NOTCH2: variants seen among roughly 807,000 people sequenced by gnomAD.
NOTCH2 encodes neurogenic locus notch homolog protein 2.
Under a neutral mutation model 235.8 loss-of-function variants are expected in NOTCH2, and 29 were observed. The observed-to-expected ratio is 0.12, with a 90% confidence interval of 0.09 to 0.17. The LOEUF (loss-of-function observed/expected upper bound fraction) is 0.17. NOTCH2 is among the 10% of genes least tolerant of loss of function. NOTCH2 has a pLI of 1.00. For missense variants in NOTCH2, 2,285 were observed against 3,150.2 expected, an observed-to-expected ratio of 0.73 and a Z score of 6.57; for synonymous variants, 1,086 against 1,141.5, an observed-to-expected ratio of 0.95 and a Z score of 0.98.
intron 14 of NOTCH2, among the ~76,000 whole-genome samples, chr1:119,952,913 A>T (rs1041440708): frequency 7.9e-5 from 12 of 152,232 alleles, no homozygotes; most frequent in Non-Finnish European, 1.6e-4. Flanking sequence ...TTCTACTTCC[A>T]TATATCTATT....
chr1:119,978,335 T>A (rs1651672432), intron 5 of NOTCH2, among the ~76,000 whole-genome samples: 1 of 152,244 alleles, frequency 6.6e-6, no homozygotes, highest in South Asian at 2.1e-4. Flanking sequence ...TGCACAGCCT[T>A]GGGACTAAAT....
intron 2 of NOTCH2, among the ~76,000 whole-genome samples, chr1:120,010,401 T>C (rs1199500861): frequency 6.6e-6 from 1 of 152,150 alleles, no homozygotes; most frequent in African/African-American, 2.4e-5. Context: ...TACAAGCATG[T>C]AGCATGGTGC....
chr1:119,930,967 G>C (rs1649632108), intron 22 of NOTCH2, among the ~76,000 whole-genome samples: 1 of 151,344 alleles, frequency 6.6e-6, no homozygotes, highest in Non-Finnish European at 1.5e-5. Flanking sequence ...GCCAGGCATG[G>C]TGGCGGGCGC....
chr1:119,941,064 AAGTCAAT>A (rs1424707075), intron 18 of NOTCH2, among the ~76,000 whole-genome samples: 1 of 152,190 alleles, frequency 6.6e-6, no homozygotes, highest in African/African-American at 2.4e-5. Context: ...TTTTATCTCT[AAGTCAAT>A]TTAATTTATT....
intron 31 of NOTCH2, among the ~76,000 whole-genome samples, chr1:119,919,013 C>G (rs1441163151): frequency 1.3e-5 from 2 of 152,190 alleles, no homozygotes; most frequent in Admixed American, 1.3e-4. Context: ...TCCGGACCAG[C>G]TATCACTCTC....
chr1:119,983,016 G>C (rs974940803), intron 5 of NOTCH2, among the ~76,000 whole-genome samples: 3 of 152,152 alleles, frequency 2.0e-5, no homozygotes, highest in Non-Finnish European at 2.9e-5. Context: ...GAAATATAAT[G>C]AGAGTAACAG....
rs782264867 is a variant in NOTCH2, at chr1:119,969,518, C to T, written c.1101G>A (p.Gly367=). ...VASFSCMCPE[G]KAGLLCHLDD... ...CGTCCTTCTGCTACCTACCTGCCTT[C>T]CCCTCTGGGCACATGCAAGAGAAGG... The change falls in exon 6 of 34, where the codon GGG becomes GGA. Residue 367 remains glycine, a synonymous_variant. Transcript: ENST00000256646. 1 of 1,613,760 alleles carries T rather than the reference C, an allele frequency of 6.2e-7. No homozygotes were observed. The highest frequency in any genetic ancestry group is 2.2e-5 in the East Asian group (1 of 44,786).
At chr1:119,968,940 C>A (rs782563366) in intron 6 of NOTCH2, among the ~76,000 whole-genome samples, 10 of 152,280 alleles carry the variant, frequency 6.6e-5, no homozygotes, top group Non-Finnish European at 1.5e-4. Flanking sequence ...AGAAAGTTCT[C>A]CCAGCTAAAT....
At chr1:119,953,882 G>C (rs1018461844) in intron 13 of NOTCH2, among the ~76,000 whole-genome samples, 194 bp from the exon 14 acceptor site, 2 of 151,908 alleles carry the variant, frequency 1.3e-5, no homozygotes, top group African/African-American at 4.8e-5. Flanking sequence ...AAACCTTCTT[G>C]GTGCTTTCCT....
chr1:120,063,014 G>T (rs587739911), intron 1 of NOTCH2, among the ~76,000 whole-genome samples: 4 of 151,356 alleles, frequency 2.6e-5, no homozygotes, highest in African/African-American at 9.7e-5. Flanking sequence ...ACAGATCTAC[G>T]GCAAACCTCC....
intron 17 of NOTCH2, among the ~76,000 whole-genome samples, chr1:119,945,861 A>G (rs1267456193): frequency 1.3e-5 from 2 of 152,100 alleles, no homozygotes; most frequent in African/African-American, 4.8e-5. Context: ...TAGAGGACAT[A>G]AAAGACCTGA....
intron 1 of NOTCH2, among the ~76,000 whole-genome samples, chr1:120,047,366 G>A: frequency 2.0e-5 from 1 of 50,036 alleles, no homozygotes; most frequent in Admixed American, 2.1e-4. Flanking sequence ...GAAGAATAAA[G>A]CAATGGACCA....
intron 23 of NOTCH2, among the ~76,000 whole-genome samples, chr1:119,928,151 C>G (rs587756283): frequency 6.6e-6 from 1 of 152,198 alleles, no homozygotes; most frequent in Non-Finnish European, 1.5e-5. Context: ...ATGCTGCCCT[C>G]TCCAGAAGTA....
intron 17 of NOTCH2, among the ~76,000 whole-genome samples, chr1:119,945,360 G>T (rs1478705106): frequency 1.3e-5 from 2 of 151,980 alleles, no homozygotes; most frequent in Non-Finnish European, 2.9e-5. Flanking sequence ...CAGCAAGATG[G>T]CATATTTTGA....
chr1:119,929,260 G>A (rs202109327), intron 22 of NOTCH2, 48 bp from the exon 23 acceptor site: 3 of 1,517,434 alleles, frequency 2.0e-6, no homozygotes, highest in South Asian at 1.1e-5. Flanking sequence ...CTTTTAACCT[G>A]CTTTCCAGCA....
Position 119,968,038 on chromosome 1 carries a change from C to A in NOTCH2, c.1264+39G>T, listed in dbSNP as rs587601758. ...CAGTTTAAACATTTGCTGAGCTCAA[C>A]AGACACTTCACAGAACAGAAAAAGT... is the stretch of plus-strand genomic sequence containing the variant. On this transcript the variant is annotated intron_variant, in intron 7 of 33. Coordinates refer to ENST00000256646, the MANE Select transcript of NOTCH2 (RefSeq NM_024408.4). 39 of 1,612,198 alleles carry A rather than the reference C, an allele frequency of 2.4e-5. No individual in the cohort carries two copies. In the African/African-American group the frequency reaches 4.4e-4, roughly 18 times the overall value.
At chr1:119,980,227 G>T (rs587693534) in intron 5 of NOTCH2, among the ~76,000 whole-genome samples, 78 of 152,262 alleles carry the variant, frequency 5.1e-4, no homozygotes, top group African/African-American at 1.8e-3. Flanking sequence ...CTCAAACTTG[G>T]TACTTCCACT....
At position 119,913,940 on chromosome 1, in the gene NOTCH2, G is replaced by T. The variant is rs835575; in HGVS notation, c.*1366C>A. The T allele has an allele frequency of 0.15, 33,811 of 232,728 alleles. 3,567 individuals are homozygous for T. Among genetic ancestry groups the T allele is most frequent in the African/African-American group, 0.33 (14,831 of 45,332 alleles). 14.4% of individuals were successfully genotyped at this position (232,728 alleles called of 1,614,324 possible). On this transcript the variant is annotated 3_prime_UTR_variant, in exon 34 of 34. Coordinates refer to ENST00000256646, the MANE Select transcript of NOTCH2 (RefSeq NM_024408.4). ...CAATTCCTGCACTTGAACATATAAAGTCCATGTCTTCAGTGAGAACATACT... is the reference window on the plus strand; with the variant it reads ...CAATTCCTGCACTTGAACATATAAATTCCATGTCTTCAGTGAGAACATACT...
At chr1:119,949,150 A>G in intron 15 of NOTCH2, 24 bp from the exon 16 acceptor site, 1 of 1,614,140 alleles carries the variant, frequency 6.2e-7, no homozygotes, top group Non-Finnish European at 8.5e-7. Flanking sequence ...GACAGAGTTT[A>G]TGACAGATAA....
Sources: gnomAD v4.1 joint callset for allele counts (sites outside exome capture counted in the v4.1 genomes callset) on GRCh38, gnomAD v4.1.1 for gene constraint, MANE v1.5 for transcripts, NCBI Gene and HGNC (gene_info 2026-07-23, HGNC 2026-07-21) for gene names.